Variants in NEFL observed in about 807,000 individuals in gnomAD.
The protein encoded by NEFL is neurofilament light chain.
Under a neutral mutation model 51.6 loss-of-function variants are expected in NEFL, and 36 were observed. That is an observed-to-expected ratio of 0.70 (90% CI 0.53 to 0.92). The LOEUF is 0.92. Ranked by LOEUF, NEFL falls within the 40% of genes least tolerant of loss-of-function variation. The probability of loss-of-function intolerance (pLI) is 0.00; values close to 1 mark genes in which losing one functional copy is unlikely to be tolerated. For missense variants in NEFL, 671 were observed against 722.0 expected (o/e 0.93, Z 0.81); for synonymous variants, 332 against 302.5 (o/e 1.10, Z -1.01).
At position 24,952,929 on chromosome 8, in the gene NEFL, C is replaced by T. The variant is rs1060503694; in HGVS notation, c.1513G>A (p.Ala505Thr). Residue 505 changes from alanine (A) to threonine (T), a missense_variant, in exon 4 of 4, where the codon GCA (alanine) becomes ACA (threonine). Transcript: ENST00000610854. ...TCACCTCCTTCTTCTTCTTCTTTTG[C>T]TTCTTCAGACTCTTCCTTGGCAGCT... The part of the protein sequence containing the change: ...EEAAKEESEE[A>T]KEEEEGGEGE... The T allele has an allele frequency of 3.1e-6, 5 of 1,611,794 alleles. No individual in the cohort carries two copies. Among genetic ancestry groups the T allele is most frequent in the Non-Finnish European group, 4.2e-6 (5 of 1,178,990 alleles).
rs1395661555 is a variant in NEFL at position 24,955,318 on chromosome 8, G to A, written c.1044+154C>T. 5 of 730,180 alleles carry A rather than the reference G, an allele frequency of 6.8e-6. No homozygotes were observed. The highest frequency in any genetic ancestry group is 1.8e-5 in the African/African-American group (1 of 56,210). The allele number at this position is 730,180 out of a possible 1,614,324, so 45.2% of individuals were successfully genotyped here. On this transcript the variant is annotated intron_variant, in intron 1 of 3. Coordinates refer to ENST00000610854, the MANE Select transcript of NEFL (RefSeq NM_006158.5). This position sits in a 1 kb window ranked among gnomAD's most constrained non-coding sequence, Gnocchi z 4.0. ...TGGCGCCCGCACTCACGCCCTTCAAGTGCCCCACCCCTCCCACACAGTGGC... is the reference window on the plus strand; with the variant it reads ...TGGCGCCCGCACTCACGCCCTTCAAATGCCCCACCCCTCCCACACAGTGGC...
rs1563250974 is a variant in NEFL, at chr8:24,952,894, T to A, written c.1548A>T (p.Glu516Asp). 14 of 1,609,014 alleles carry A rather than the reference T, an allele frequency of 8.7e-6. No homozygotes were observed. Among genetic ancestry groups the A allele is most frequent in the Non-Finnish European group, 1.2e-5 (14 of 1,175,504 alleles). The change falls in exon 4 of 4, where the codon GAA becomes GAT. Residue 516 changes from glutamate (E) to aspartate (D), a missense_variant. Transcript: ENST00000610854. ...KEEEEGGEGE[E>D]GEETKEAEEE... The stretch of plus-strand genomic sequence containing the variant: ...CTTCAGCTTCTTTGGTTTCCTCTCC[T>A]TCTTCACCTTCACCTCCTTCTTCTT...
chr8:24,953,112 T>G (rs1802992203), intron 3 of NEFL, among the ~76,000 whole-genome samples, 160 bp from the exon 4 acceptor site: 1 of 152,320 alleles, frequency 6.6e-6, no homozygotes, highest in African/African-American at 2.4e-5. Context: ...AAGCTTGCCA[T>G]GAATAATTTG....
In NEFL at chr8:24,955,598, G is replaced by C. The variant is rs1065084; in HGVS notation, c.918C>G (p.Ser306=). The stretch of plus-strand genomic sequence containing the variant: ...TGGCCTTGAGCAGACGACGGCTCTC[G>C]GACACCTCGTCCTTGGCGGCGCGCA... ...DAVRAAKDEV[S]ESRRLLKAKT... Residue 306 remains serine, a synonymous_variant, in exon 1 of 4, where the codon TCC becomes TCG. Transcript: ENST00000610854. This position sits in a 1 kb window ranked among gnomAD's most constrained non-coding sequence, Gnocchi z 4.0. The C allele has an allele frequency of 6.2e-7, 1 of 1,613,660 alleles. No homozygotes were observed. The highest frequency in any genetic ancestry group is 1.3e-5 in the African/African-American group (1 of 74,900).
In NEFL at chr8:24,953,471, C is replaced by T. The variant is rs747253763; in HGVS notation, c.1489+5G>A. The T allele has an allele frequency of 1.3e-6, 2 of 1,557,954 alleles. No individual in the cohort carries two copies. Among genetic ancestry groups the T allele is most frequent in the Non-Finnish European group, 1.7e-6 (2 of 1,151,452 alleles). ...TGAAGTTGCAGGGGTTTTTTCTTAT[C>T]ATACCTTCTTCCTCTTCAGCTGCCT... On this transcript the variant is annotated splice_donor_5th_base_variant and intron_variant, in intron 3 of 3. Transcript: ENST00000610854.
chr8:24,954,233 G>C lies in NEFL; in HGVS notation c.1117C>G (p.Gln373Glu), dbSNP rs757417962. 4.3e-6 allele frequency: 7 copies of C among 1,613,544 alleles called. No individual in the cohort carries two copies. The highest frequency in any genetic ancestry group is 5.9e-6 in the Non-Finnish European group (7 of 1,179,832). Residue 373 changes from glutamine (Q) to glutamate (E), a missense_variant, in exon 2 of 4, where the codon CAA becomes GAA. Gln to Glu is a conservative substitution (Grantham distance 29, BLOSUM62 2). Transcript: ENST00000610854. ...SEMARYLKEY[Q>E]DLLNVKMALD... is the part of the protein sequence containing the mutation. ...GCCATCTTCACGTTGAGGAGGTCTT[G>C]GTATTCTTTTAGGTATCGTGCCATT...
In NEFL at chr8:24,955,459, G is replaced by T; in HGVS notation, c.1044+13C>A. On this transcript the variant is annotated intron_variant, in intron 1 of 3. Coordinates refer to ENST00000610854, the MANE Select transcript of NEFL (RefSeq NM_006158.5). The surrounding 1 kb of genome is among the most constrained non-coding windows in gnomAD (Gnocchi z 4.0). ...GAGTCCCCCGCCCCCCTGTGTTTCT[G>T]GCCGTGCCGCACCTGCATAGCGCTG... is the stretch of plus-strand genomic sequence containing the variant. 2 of 1,539,956 alleles carry T rather than the reference G, an allele frequency of 1.3e-6. No individual in the cohort carries two copies. Among genetic ancestry groups the T allele is most frequent in the Non-Finnish European group, 1.8e-6 (2 of 1,142,434 alleles).
chr8:24,953,279 A>G (rs73546946), intron 3 of NEFL, among the ~76,000 whole-genome samples, 197 bp downstream of exon 3: 57 of 152,358 alleles, frequency 3.7e-4, no homozygotes, highest in African/African-American at 1.3e-3. Context: ...ATTATATTAA[A>G]AAATGAAAAT....
In NEFL at chr8:24,955,202, C is replaced by T; in HGVS notation, c.1044+270G>A. 1 of 526,552 alleles carries T rather than the reference C, an allele frequency of 1.9e-6. No individual in the cohort carries two copies. The highest frequency in any genetic ancestry group is 3.4e-6 in the Non-Finnish European group (1 of 297,564). The allele number at this position is 526,552 out of a possible 1,614,324, so 32.6% of individuals were successfully genotyped here. On this transcript the variant is annotated intron_variant, in intron 1 of 3. Transcript: ENST00000610854. The surrounding 1 kb of genome is among the most constrained non-coding windows in gnomAD (Gnocchi z 4.0). ...GCAGGCCGGAGGCAACGCCCAATTC[C>T]CACGTCTTCCCCTCCCCCACCCAAC...
Position 24,955,675 on chromosome 8 carries a change from T to G in NEFL, c.841A>C (p.Lys281Gln), listed in dbSNP as rs754612937. The G allele has an allele frequency of 1.2e-6, 2 of 1,613,760 alleles. No individual in the cohort carries two copies. Among genetic ancestry groups the G allele is most frequent in the Non-Finnish European group, 8.5e-7 (1 of 1,179,884 alleles). ...TCGGTCAGCACGGTGAAGCGGCTCT[T>G]GAACCATTCCTCAGCGTTCTGCATG... Reference protein sequence around the residue: ...KNMQNAEEWFKSRFTVLTESA... With the variant: ...KNMQNAEEWFQSRFTVLTESA... Residue 281 changes from lysine (K) to glutamine (Q), a missense_variant, in exon 1 of 4, where the codon AAG (lysine) becomes CAG (glutamine). By Grantham distance (53) the Lys-to-Gln change is moderately conservative (BLOSUM62 1). Transcript: ENST00000610854. This position sits in a 1 kb window ranked among gnomAD's most constrained non-coding sequence, Gnocchi z 4.0.
At position 24,953,340 on chromosome 8, in the gene NEFL, A is replaced by T. The variant is rs1297399117; in HGVS notation, c.1489+136T>A. The T allele has an allele frequency of 2.7e-6, 4 of 1,497,512 alleles. No homozygotes were observed. The African/African-American group carries it at 5.6e-5, about 21-fold the overall frequency. The allele number at this position is 1,497,512 out of a possible 1,614,324, so 92.8% of individuals were successfully genotyped here. ...AGATGCCTTAGGAAAGTTTTGCTAA[A>T]CAAACAGAAAATTTATTTATGATTC... On this transcript the variant is annotated intron_variant, in intron 3 of 3. Coordinates refer to ENST00000610854, the MANE Select transcript of NEFL (RefSeq NM_006158.5).
Position 24,955,246 on chromosome 8 carries a change from A to T in NEFL, c.1044+226T>A. On this transcript the variant is annotated intron_variant, in intron 1 of 3. Coordinates refer to ENST00000610854, the MANE Select transcript of NEFL (RefSeq NM_006158.5). The surrounding 1 kb of genome is among the most constrained non-coding windows in gnomAD (Gnocchi z 4.0). ...ACCCAACAAGGGCTGGGCAGCTTTA[A>T]TGCGGAACGCCGGTGCAGCAGCACG... 3 of 479,112 alleles carry T rather than the reference A, an allele frequency of 6.3e-6. No individual in the cohort carries two copies. Among genetic ancestry groups the T allele is most frequent in the East Asian group, 3.7e-5 (1 of 26,962 alleles). The allele number at this position is 479,112 out of a possible 1,614,324, so 29.7% of individuals were successfully genotyped here.
At position 24,956,432 on chromosome 8, in the gene NEFL, G is replaced by A; in HGVS notation, c.84C>T (p.Ser28=). Residue 28 remains serine, a synonymous_variant, in exon 1 of 4, where the codon AGC becomes AGT. Coordinates refer to ENST00000610854, the MANE Select transcript of NEFL (RefSeq NM_006158.5). The surrounding 1 kb of genome is among the most constrained non-coding windows in gnomAD (Gnocchi z 5.9). ...GTGCGGTGCTGTAGCCGCTGCGCAC[G>A]CTGGAGATGTGCACCCGGGGCGTCT... ...YVETPRVHIS[S]VRSGYSTARS... 6.2e-7 allele frequency: 1 copy of A among 1,603,526 alleles called. No homozygotes were observed. The highest frequency in any genetic ancestry group is 8.5e-7 in the Non-Finnish European group (1 of 1,175,714).
Position 24,952,680 on chromosome 8 carries a change from A to G in NEFL, c.*130T>C. The G allele has an allele frequency of 7.2e-7, 1 of 1,392,490 alleles. No homozygotes were observed. Among genetic ancestry groups the G allele is most frequent in the South Asian group, 1.4e-5 (1 of 72,718 alleles). 86.3% of individuals were successfully genotyped at this position (1,392,490 alleles called of 1,614,324 possible). A position where few individuals can be genotyped will look rare whatever the true frequency, so the allele number is the denominator to read the frequency against. On this transcript the variant is annotated 3_prime_UTR_variant, in exon 4 of 4. Coordinates refer to ENST00000610854, the MANE Select transcript of NEFL (RefSeq NM_006158.5). ...CAACATTGAATGTCCAACCTAAGTC[A>G]TCTCAGAATTATACATATATTGACT...
rs34505194 is a variant in NEFL, at chr8:24,952,709, T to C, written c.*101A>G. Reference sequence around the variant, plus strand: ...CAGAATTATACATATATTGACTTTTTAATTCACATAGAATCTGGAACTCAA... The same window carrying C: ...CAGAATTATACATATATTGACTTTTCAATTCACATAGAATCTGGAACTCAA... On this transcript the variant is annotated 3_prime_UTR_variant, in exon 4 of 4. Coordinates refer to ENST00000610854, the MANE Select transcript of NEFL (RefSeq NM_006158.5). The C allele has an allele frequency of 4.1e-3, 6,491 of 1,573,232 alleles. 16 individuals are homozygous for C. The highest frequency in any genetic ancestry group is 4.6e-3 in the Non-Finnish European group (5,269 of 1,157,042).
chr8:24,956,405 G>C lies in NEFL; in HGVS notation c.111C>G (p.Arg37=), dbSNP rs1445610608. Residue 37 remains arginine, a synonymous_variant, in exon 1 of 4, where the codon CGC becomes CGG. Transcript: ENST00000610854. The surrounding 1 kb of genome is among the most constrained non-coding windows in gnomAD (Gnocchi z 5.9). ...GCGCCGAGTAGCTGGAGTAAGCTGA[G>C]CGTGCGGTGCTGTAGCCGCTGCGCA... ...SSVRSGYSTA[R]SAYSSYSAPV... 1.2e-6 allele frequency: 2 copies of C among 1,603,464 alleles called. No individual in the cohort carries two copies. The highest frequency in any genetic ancestry group is 2.7e-5 in the African/African-American group (2 of 74,744).
chr8:24,953,742 A>G lies in NEFL; in HGVS notation c.1223T>C (p.Ile408Thr). 6.2e-7 allele frequency: 1 copy of G among 1,613,906 alleles called. No individual in the cohort carries two copies. The highest frequency in any genetic ancestry group is 8.5e-7 in the Non-Finnish European group (1 of 1,179,846). Residue 408 changes from isoleucine (I) to threonine (T), a missense_variant, in exon 3 of 4, where the codon ATA (isoleucine) becomes ACA (threonine). Coordinates refer to ENST00000610854, the MANE Select transcript of NEFL (RefSeq NM_006158.5). ...TRLSFTSVGS[I>T]TSGYSQSSQV... ...GGAGCTCTGGGAGTAGCCACTGGTT[A>G]TGCTTCCCACGCTGGTGAAACTGAG...
chr8:24,951,490 G>A lies in NEFL; in HGVS notation c.*1320C>T, dbSNP rs565131799. 3 of 152,276 alleles carry A rather than the reference G, an allele frequency of 2.0e-5. No individual in the cohort carries two copies. The highest frequency in any genetic ancestry group is 7.2e-5 in the African/African-American group (3 of 41,548). The allele number at this position is 152,276 out of a possible 1,614,324, so 9.4% of individuals were successfully genotyped here. On this transcript the variant is annotated 3_prime_UTR_variant, in exon 4 of 4. Coordinates refer to ENST00000610854, the MANE Select transcript of NEFL (RefSeq NM_006158.5). ...GCGTTCTTAACTTTACGACAGAAAG[G>A]ATACATGGGGCGTGTATTTGATGCA... is the stretch of plus-strand genomic sequence containing the variant.
At position 24,954,308 on chromosome 8, in the gene NEFL, G is replaced by A. The variant is rs1301906353; in HGVS notation, c.1045-3C>T. 6.2e-7 allele frequency: 1 copy of A among 1,607,338 alleles called. No individual in the cohort carries two copies. Among genetic ancestry groups the A allele is most frequent in the Non-Finnish European group, 8.5e-7 (1 of 1,178,130 alleles). ...TTTTCTAATTTGTTGATCGTGTCCTGTTTGAAGACAAAAATAAAACAAAAA... is the reference window on the plus strand; with the variant it reads ...TTTTCTAATTTGTTGATCGTGTCCTATTTGAAGACAAAAATAAAACAAAAA... On this transcript the variant is annotated splice_region_variant and splice_polypyrimidine_tract_variant and intron_variant, in intron 1 of 3. Transcript: ENST00000610854.
Sources: gnomAD v4.1 joint callset for allele counts (sites outside exome capture counted in the v4.1 genomes callset) on GRCh38, gnomAD v4.1.1 for gene constraint, Gnocchi (gnomAD v3.1) non-coding constraint, MANE v1.5 for transcripts, NCBI Gene and HGNC (gene_info 2026-07-23, HGNC 2026-07-21) for gene names.